The following SEC14L2 variants were observed in gnomAD, a reference collection of about 807,000 sequenced individuals.
The protein encoded by SEC14L2 is SEC14 like lipid binding 2, also known as SEC14-like protein 2.
Under a neutral mutation model 56.9 loss-of-function variants are expected in SEC14L2, and 50 were observed. The observed-to-expected ratio is 0.88, with a 90% CI of 0.70 to 1.11. The LOEUF (loss-of-function observed/expected upper bound fraction) is 1.11. SEC14L2 is among the 50% of genes most tolerant of loss of function. The probability of loss-of-function intolerance (pLI) is 0.00; values close to 1 mark genes in which losing one functional copy is unlikely to be tolerated. For synonymous variants in SEC14L2, 179 were observed against 188.5 expected, an observed-to-expected ratio of 0.95 and a Z score of 0.41; for missense variants, 414 against 500.7, an observed-to-expected ratio of 0.83 and a Z score of 1.65.
At chr22:30,409,126 C>G in intron 5 of SEC14L2, 61 bp from the exon 6 acceptor site, 1 of 1,437,050 alleles carries the variant, frequency 7.0e-7, no homozygotes, top group Non-Finnish European at 9.8e-7. Context: ...TTGGCCTGGA[C>G]TGGAACGGGC....
At chr22:30,406,576 A>C (rs747571990) in intron 3 of SEC14L2, among the ~76,000 whole-genome samples, 191 bp downstream of exon 3, 1 of 152,164 alleles carries the variant, frequency 6.6e-6, no homozygotes, top group African/African-American at 2.4e-5. Flanking sequence ...GCTCTGGGCC[A>C]GCCAAGAATG....
At chr22:30,410,467 G>C (rs1342067312) in intron 7 of SEC14L2, 129 bp from the exon 8 acceptor site, 2 of 814,716 alleles carry the variant, frequency 2.5e-6, no homozygotes, top group Admixed American at 4.3e-5. Context: ...TGCCTATGTG[G>C]GCTCCAGAGC....
intron 2 of SEC14L2, among the ~76,000 whole-genome samples, chr22:30,404,030 G>GAAAA (rs5844905): frequency 1.1e-5 from 1 of 87,662 alleles, no homozygotes; most frequent in African/African-American, 4.9e-5. Context: ...AAAAAAAAAA[G>GAAAA]AAAAAAAAAA....
chr22:30,415,123 G>A (rs2267156), intron 8 of SEC14L2, among the ~76,000 whole-genome samples: 29,535 of 151,940 alleles, frequency 0.19, 3,113 homozygotes, highest in South Asian at 0.4. Flanking sequence ...CGTGTATAAG[G>A]CACTTTATGG....
chr22:30,397,801 C>A (rs1933800180), intron 1 of SEC14L2: 1 of 469,578 alleles, frequency 2.1e-6, no homozygotes, highest in Non-Finnish European at 4.4e-6. Context: ...GACCAGCCGT[C>A]CCCTATCTTG....
intron 11 of SEC14L2, chr22:30,421,331 C>A (rs1190213445): frequency 6.6e-6 from 1 of 152,166 alleles, no homozygotes; most frequent in Non-Finnish European, 1.5e-5. Context: ...GGAGTCTAAG[C>A]AGACAAAGAA....
chr22:30,423,433 C>G lies in SEC14L2; in HGVS notation c.*1026C>G, dbSNP rs1158594242. ...CAACGCGTGCAGGGAGTTCAGGTGC[C>G]GGTCGGCGTAGCCAGGCCTGGAGGC... On this transcript the variant is annotated 3_prime_UTR_variant, in exon 12 of 12. Coordinates refer to ENST00000615189, the MANE Select transcript of SEC14L2 (RefSeq NM_012429.5). 1 of 152,686 alleles carries G rather than the reference C, an allele frequency of 6.5e-6. No individual in the cohort carries two copies. Among genetic ancestry groups the G allele is most frequent in the Non-Finnish European group, 1.5e-5 (1 of 68,108 alleles). 9.5% of individuals were successfully genotyped at this position (152,686 alleles called of 1,614,324 possible).
chr22:30,422,492 G>T lies in SEC14L2; in HGVS notation c.*85G>T. On this transcript the variant is annotated 3_prime_UTR_variant, in exon 12 of 12. Coordinates refer to ENST00000615189, the MANE Select transcript of SEC14L2 (RefSeq NM_012429.5). ...GTAGCAGTCATTTTCGCACAACCCT[G>T]AAGCCCAAAGAAACTGGGCTGGAGG... The T allele has an allele frequency of 1.3e-6, 2 of 1,539,380 alleles. No homozygotes were observed. The highest frequency in any genetic ancestry group is 1.4e-5 in the African/African-American group (1 of 72,852).
intron 5 of SEC14L2, among the ~76,000 whole-genome samples, chr22:30,408,579 T>G (rs1934162450): frequency 6.6e-6 from 1 of 152,078 alleles, no homozygotes; most frequent in East Asian, 1.9e-4. Flanking sequence ...GGCTAGACCC[T>G]GCGCCAAAAA....
chr22:30,412,476 T>A (rs1934275966), intron 8 of SEC14L2, among the ~76,000 whole-genome samples: 1 of 151,576 alleles, frequency 6.6e-6, no homozygotes, highest in Admixed American at 6.6e-5. Context: ...CAAGCCTGAA[T>A]CGGGGAATTG....
Position 30,406,328 on chromosome 22 carries a change from T to C in SEC14L2, c.131-14T>C, listed in dbSNP as rs770771675. The C allele has an allele frequency of 1.9e-6, 3 of 1,613,942 alleles. No homozygotes were observed. Among genetic ancestry groups the C allele is most frequent in the Admixed American group, 1.7e-5 (1 of 60,006 alleles). ...GCTAACCTAACCCTGACCAGAACTG[T>C]TTCCCTGTTACAGCCAGAAGCTTCG... On this transcript the variant is annotated splice_polypyrimidine_tract_variant and intron_variant, in intron 2 of 11. Transcript: ENST00000615189.
At chr22:30,413,398 G>A (rs1934305009) in intron 8 of SEC14L2, among the ~76,000 whole-genome samples, 2 of 152,160 alleles carry the variant, frequency 1.3e-5, no homozygotes, top group Non-Finnish European at 2.9e-5. Context: ...TTTTGCTGAA[G>A]TGGAGTGGAG....
At chr22:30,397,586 CT>C in intron 1 of SEC14L2, 1 of 287,704 alleles carries the variant, frequency 3.5e-6, no homozygotes, top group East Asian at 1.2e-4. Flanking sequence ...ATGGAAAGGG[CT>C]CTGGATAGCT....
chr22:30,416,534 C>G (rs1372536401), intron 11 of SEC14L2, 131 bp downstream of exon 11: 1 of 1,548,828 alleles, frequency 6.5e-7, no homozygotes. Flanking sequence ...GTTCAATCCT[C>G]TCCTTGTATA....
chr22:30,409,061 T>G, intron 5 of SEC14L2, 126 bp from the exon 6 acceptor site: 1 of 865,326 alleles, frequency 1.2e-6, no homozygotes, highest in Non-Finnish European at 2.0e-6. Flanking sequence ...TTTGGAAAAC[T>G]CTAGGTCCGG....
chr22:30,403,989 G>A (rs1192959020), intron 2 of SEC14L2, among the ~76,000 whole-genome samples: 1 of 125,702 alleles, frequency 8.0e-6, no homozygotes, highest in African/African-American at 3.0e-5. Context: ...CGGCCTGGGC[G>A]ACAGAGCGAG....
chr22:30,424,971 G>A lies in SEC14L2; in HGVS notation c.*2564G>A, dbSNP rs1934629430. The A allele has an allele frequency of 2.6e-6, 1 of 381,530 alleles. No individual in the cohort carries two copies. The highest frequency in any genetic ancestry group is 1.9e-5 in the South Asian group (1 of 51,812). 23.6% of individuals were successfully genotyped at this position (381,530 alleles called of 1,614,324 possible). ...CATACTGATCCAGTTAAATGCGAGT[G>A]CTTCCTAGTTATACATGGCGACTGC... On this transcript the variant is annotated 3_prime_UTR_variant, in exon 12 of 12. Coordinates refer to ENST00000615189, the MANE Select transcript of SEC14L2 (RefSeq NM_012429.5).
chr22:30,413,230 T>C (rs1346438989), intron 8 of SEC14L2, among the ~76,000 whole-genome samples: 2 of 151,960 alleles, frequency 1.3e-5, no homozygotes, highest in African/African-American at 4.8e-5. Context: ...GCAGGGAGAC[T>C]GAGAAGTGAT....
At chr22:30,410,544 G>C in intron 7 of SEC14L2, 52 bp from the exon 8 acceptor site, 3 of 1,540,382 alleles carry the variant, frequency 1.9e-6, no homozygotes, top group Non-Finnish European at 2.7e-6. Flanking sequence ...GACGCTGTTA[G>C]GGACAGACTG....
Sources: allele counts gnomAD v4.1 joint callset (sites outside exome capture counted in the v4.1 genomes callset), GRCh38; gene constraint gnomAD v4.1.1; transcripts MANE v1.5; gene names NCBI Gene and HGNC (gene_info 2026-07-23, HGNC 2026-07-21).